Variants in LYST observed in about 807,000 individuals in gnomAD.
LYST encodes lysosomal trafficking regulator, also known as lysosomal-trafficking regulator.
In LYST, 192 loss-of-function variants were observed where a neutral mutation model predicts 413.6. The ratio of observed to expected loss-of-function variants is 0.46; its 90% CI spans 0.41 to 0.52. The LOEUF is 0.52. LYST is among the 20% of genes least tolerant of loss of function. The pLI, the probability that LYST is intolerant of heterozygous loss-of-function variation, is 0.00. For missense variants in LYST, 3,815 were observed against 4,499.9 expected (o/e 0.85, Z 4.35); for synonymous variants, 1,525 against 1,567.3 (o/e 0.97, Z 0.64).
At chr1:235,722,525 GC>G (rs1314435944) in intron 39 of LYST, among the ~76,000 whole-genome samples, 1 of 152,152 alleles carries the variant, frequency 6.6e-6, no homozygotes, top group African/African-American at 2.4e-5. Flanking sequence ...TCACTCTGTT[GC>G]CCAGGCTGGA....
At chr1:235,760,275 T>C (rs1019617658) in intron 22 of LYST, among the ~76,000 whole-genome samples, 6 of 152,276 alleles carry the variant, frequency 3.9e-5, no homozygotes, top group Admixed American at 6.5e-5. Context: ...GCTTTAAAGA[T>C]TGAGATTATA....
chr1:235,729,700 C>T (rs186130371), intron 36 of LYST, 43 bp from the exon 37 acceptor site: 2 of 1,357,022 alleles, frequency 1.5e-6, no homozygotes, highest in Middle Eastern at 1.8e-4. Context: ...AATGTTCTGA[C>T]CAATTTCAGA....
At chr1:235,826,124 A>G (rs1675305618) in intron 3 of LYST, among the ~76,000 whole-genome samples, 1 of 152,224 alleles carries the variant, frequency 6.6e-6, no homozygotes. Flanking sequence ...AACACTACAA[A>G]GACTGGCAAT....
At chr1:235,761,915 T>C (rs1279806744) in intron 22 of LYST, among the ~76,000 whole-genome samples, 3 of 140,006 alleles carry the variant, frequency 2.1e-5, no homozygotes, top group Non-Finnish European at 4.5e-5. Flanking sequence ...AGAAAGATTC[T>C]GTTCAAATGA....
chr1:235,812,864 T>A, intron 4 of LYST, 107 bp downstream of exon 4: 1 of 741,090 alleles, frequency 1.3e-6, no homozygotes. Context: ...TAAATCACAA[T>A]AACATATAGT....
intron 1 of LYST, among the ~76,000 whole-genome samples, chr1:235,878,184 C>T (rs905654076): frequency 6.6e-6 from 1 of 152,202 alleles, no homozygotes; most frequent in Non-Finnish European, 1.5e-5. Context: ...AGCAGAGCCC[C>T]AAGGCAACAT....
At chr1:235,706,959 C>G (rs1178650020) in intron 44 of LYST, among the ~76,000 whole-genome samples, 1 of 152,206 alleles carries the variant, frequency 6.6e-6, no homozygotes, top group Non-Finnish European at 1.5e-5. Context: ...ACTGTAGGTT[C>G]TGTGTGTGCA....
intron 1 of LYST, among the ~76,000 whole-genome samples, chr1:235,865,465 T>C (rs1572498070): frequency 6.6e-6 from 1 of 152,250 alleles, no homozygotes; most frequent in African/African-American, 2.4e-5. Flanking sequence ...CTTAGAAAAG[T>C]ATCTGACACG....
At chr1:235,684,256 A>G (rs1660045963) in intron 48 of LYST, among the ~76,000 whole-genome samples, 1 of 152,166 alleles carries the variant, frequency 6.6e-6, no homozygotes. Flanking sequence ...CCTGTACTGC[A>G]CACTGTGTTA....
At chr1:235,750,726 C>A (rs770839969) in intron 28 of LYST, among the ~76,000 whole-genome samples, 4 of 152,142 alleles carry the variant, frequency 2.6e-5, no homozygotes, top group Admixed American at 6.5e-5. Flanking sequence ...TATCTGAATG[C>A]ACTGTTTCTT....
intron 16 of LYST, among the ~76,000 whole-genome samples, chr1:235,778,985 G>C (rs967573780): frequency 6.6e-5 from 10 of 151,940 alleles, no homozygotes; most frequent in Admixed American, 3.9e-4. Context: ...TCCTGCCTCA[G>C]CCTCCTGAGT....
Position 235,803,000 on chromosome 1 carries a change from G to A in LYST, c.3620C>T (p.Ser1207Phe), listed in dbSNP as rs748667700. 1 of 1,613,222 alleles carries A rather than the reference G, an allele frequency of 6.2e-7. No homozygotes were observed. Among genetic ancestry groups the A allele is most frequent in the Admixed American group, 1.7e-5 (1 of 60,022 alleles). ...PGDFSEEAEDSQCCSFKLLVE... is the reference protein window; with the variant it reads ...PGDFSEEAEDFQCCSFKLLVE... Reference sequence around the variant, plus strand: ...TAAAAGTTTAAAACTACAACACTGAGAATCCTCAGCTTCTTCTGAAAAATC... The same window carrying A: ...TAAAAGTTTAAAACTACAACACTGAAAATCCTCAGCTTCTTCTGAAAAATC... The change falls in exon 8 of 53, where the codon TCT becomes TTT. Residue 1207 changes from serine to phenylalanine, a missense_variant. Ser to Phe is a radical substitution (Grantham distance 155). Transcript: ENST00000389793.
intron 1 of LYST, among the ~76,000 whole-genome samples, chr1:235,881,944 T>C (rs1267217593): frequency 2.6e-5 from 4 of 152,068 alleles, no homozygotes; most frequent in Admixed American, 2.6e-4. Context: ...TGGATAGTGG[T>C]GGTGGTTACA....
chr1:235,838,582 T>G (rs1676830756), intron 1 of LYST, among the ~76,000 whole-genome samples: 1 of 152,212 alleles, frequency 6.6e-6, no homozygotes, highest in Non-Finnish European at 1.5e-5. Context: ...TTTACAAAAA[T>G]CTATGGAAGC....
intron 1 of LYST, among the ~76,000 whole-genome samples, chr1:235,851,393 G>A (rs1366529344): frequency 2.0e-5 from 3 of 150,616 alleles, no homozygotes; most frequent in African/African-American, 7.3e-5. Context: ...GGACTCTGAG[G>A]ACTTGGGGGG....
chr1:235,708,527 C>T (rs951511669), intron 44 of LYST, among the ~76,000 whole-genome samples: 1 of 152,154 alleles, frequency 6.6e-6, no homozygotes, highest in East Asian at 1.9e-4. Flanking sequence ...CTAAACTGTA[C>T]AAACAATGCA....
At chr1:235,804,388 T>C (rs1337552870) in intron 7 of LYST, 116 bp downstream of exon 7, 4 of 833,228 alleles carry the variant, frequency 4.8e-6, no homozygotes, top group Non-Finnish European at 8.3e-6. Flanking sequence ...TGAACTCATC[T>C]GACCAAGTCC....
intron 14 of LYST, among the ~76,000 whole-genome samples, chr1:235,782,615 C>T (rs976792692): frequency 6.6e-6 from 1 of 152,168 alleles, no homozygotes; most frequent in African/African-American, 2.4e-5. Flanking sequence ...GATCCCACGG[C>T]AGGCCATGGG....
At chr1:235,738,510 C>T (rs766627609) in intron 31 of LYST, 936 of 1,611,964 alleles carry the variant, frequency 5.8e-4, no homozygotes, top group Non-Finnish European at 7.5e-4. Context: ...AGCCCAATTC[C>T]GTTACCCAAT....
Sources: allele counts gnomAD v4.1 joint callset (sites outside exome capture counted in the v4.1 genomes callset), GRCh38; gene constraint gnomAD v4.1.1; transcripts MANE v1.5; gene names NCBI Gene and HGNC (gene_info 2026-07-23, HGNC 2026-07-21).